The following CTPS2 variants were observed in gnomAD, a reference collection of about 807,000 sequenced individuals.
The protein encoded by CTPS2 is CTP synthase II.
Under a neutral mutation model 46.8 loss-of-function variants are expected in CTPS2, and 19 were observed. That is an observed-to-expected ratio of 0.41 (90% CI 0.28 to 0.60). CTPS2 has a LOEUF of 0.60. CTPS2 is among the 20% of genes least tolerant of loss of function. The pLI, the probability that CTPS2 is intolerant of heterozygous loss-of-function variation, is 0.35. For missense variants in CTPS2, 286 were observed against 447.6 expected (o/e 0.64, Z 3.26); for synonymous variants, 151 against 165.2 (o/e 0.91, Z 0.66).
intron 1 of CTPS2, among the ~76,000 whole-genome samples, chrX:16,708,111 G>A (rs773411699): frequency 9.0e-6 from 1 of 111,623 alleles, no homozygotes; most frequent in African/African-American, 3.3e-5. Flanking sequence ...AAATGCATTC[G>A]GGTAGGAACA....
intron 14 of CTPS2, 91 bp from the exon 15 acceptor site, chrX:16,620,423 T>A (rs758516687): frequency 1.9e-3 from 1,144 of 616,729 alleles, no homozygotes; most frequent in Non-Finnish European, 2.0e-3. Context: ...CCTGGATCAC[T>A]ATCTATCTAT....
At chrX:16,611,038 G>A (rs1428543869) in intron 16 of CTPS2, among the ~76,000 whole-genome samples, 2 of 112,104 alleles carry the variant, frequency 1.8e-5, no homozygotes, top group African/African-American at 6.5e-5. Context: ...AACTACCAGA[G>A]GGAGGAAGGA....
chrX:16,677,560 T>C (rs187022990), intron 10 of CTPS2, among the ~76,000 whole-genome samples: 1 of 111,543 alleles, frequency 9.0e-6, no homozygotes, highest in Non-Finnish European at 1.9e-5. Flanking sequence ...AGCAACTCCA[T>C]CTTGAATAGG....
chrX:16,595,879 A>AT (rs1216326885), intron 17 of CTPS2, among the ~76,000 whole-genome samples: 2 of 109,976 alleles, frequency 1.8e-5, no homozygotes, highest in Admixed American at 9.7e-5. Flanking sequence ...CTTAAAAAAA[A>AT]TTTTTTTTGA....
At chrX:16,618,790 A>T (rs1051265088) in intron 15 of CTPS2, among the ~76,000 whole-genome samples, 3 of 112,088 alleles carry the variant, frequency 2.7e-5, no homozygotes, top group Non-Finnish European at 5.6e-5. Context: ...ATTATTCATT[A>T]TTGAGTTGTA....
At position 16,663,384 on chromosome X, in the gene CTPS2, C is replaced by G. The variant is rs1933026844; in HGVS notation, c.1296+4130G>C. On this transcript the variant is annotated intron_variant, in intron 13 of 18. Coordinates refer to ENST00000359276, the MANE Select transcript of CTPS2 (RefSeq NM_175859.3). ...CTGCTCTCAAACTCCAAGACTCAAG[C>G]AGTCCTCCCGCCTCAGCCTCCAAAA... 2.7e-5 allele frequency among the ~76,000 whole-genome samples: 3 copies of G among 111,501 alleles called. No homozygotes were observed. In the Admixed American group the frequency reaches 2.9e-4, roughly 11 times the overall value.
At chrX:16,591,118 C>T (rs1424412821) in intron 17 of CTPS2, 5 of 254,038 alleles carry the variant, frequency 2.0e-5, no homozygotes, top group Admixed American at 6.4e-5. Flanking sequence ...AAATTAAAAA[C>T]GCATTTCAGT....
At chrX:16,667,973 GCAGGGTCAA>G (rs1302565712) in intron 11 of CTPS2, among the ~76,000 whole-genome samples, 2 of 109,095 alleles carry the variant, frequency 1.8e-5, no homozygotes, top group African/African-American at 6.7e-5. Context: ...TCAGAAAAGT[GCAGGGTCAA>G]CTGGGCGCAA....
At chrX:16,600,477 G>A (rs1412084149) in intron 17 of CTPS2, among the ~76,000 whole-genome samples, 1 of 111,568 alleles carries the variant, frequency 9.0e-6, no homozygotes, top group Non-Finnish European at 1.9e-5. Context: ...TAAAATATAA[G>A]AACAATGGAA....
At chrX:16,590,720 G>A in intron 18 of CTPS2, 32 bp downstream of exon 18, 1 of 806,967 alleles carries the variant, frequency 1.2e-6, no homozygotes, top group East Asian at 3.2e-5. Context: ...GTCCATGAGA[G>A]AAATGAACAA....
chrX:16,608,640 A>G (rs1930110005), intron 17 of CTPS2, among the ~76,000 whole-genome samples: 1 of 111,799 alleles, frequency 8.9e-6, no homozygotes, highest in African/African-American at 3.3e-5. Context: ...GAATAGCAAA[A>G]CACACTAAAC....
chrX:16,595,930 C>T (rs921667982), intron 17 of CTPS2, among the ~76,000 whole-genome samples: 3 of 112,548 alleles, frequency 2.7e-5, no homozygotes, highest in Non-Finnish European at 5.6e-5. Flanking sequence ...AGTGCAGTGG[C>T]ACGATCACAG....
At chrX:16,596,626 C>T (rs1056935297) in intron 17 of CTPS2, among the ~76,000 whole-genome samples, 40 of 111,037 alleles carry the variant, frequency 3.6e-4, no homozygotes, top group Non-Finnish European at 6.6e-4. Context: ...CAAGTCTTTG[C>T]TACTGTGAAT....
chrX:16,685,378 C>T (rs1413684640), intron 8 of CTPS2, among the ~76,000 whole-genome samples: 1 of 111,315 alleles, frequency 9.0e-6, no homozygotes, highest in Non-Finnish European at 1.9e-5. Context: ...TGGGTCACAC[C>T]TACCAGGGAG....
intron 14 of CTPS2, among the ~76,000 whole-genome samples, chrX:16,621,137 GCA>G (rs1373273614): frequency 1.8e-5 from 2 of 110,065 alleles, no homozygotes; most frequent in African/African-American, 6.6e-5. Context: ...CGTAGCTGAG[GCA>G]CTGCAGCTAA....
chrX:16,707,112 T>G (rs1034214512), intron 1 of CTPS2, among the ~76,000 whole-genome samples: 4 of 111,525 alleles, frequency 3.6e-5, no homozygotes, highest in African/African-American at 9.8e-5. Context: ...GATCTTGTGA[T>G]TTTTAAGTTG....
Position 16,664,168 on chromosome X carries a change from A to C in CTPS2, c.1296+3346T>G, listed in dbSNP as rs764546847. On this transcript the variant is annotated intron_variant, in intron 13 of 18. Transcript: ENST00000359276. The stretch of plus-strand genomic sequence containing the variant: ...AAAATTTTTTAACGCACGTACACAC[A>C]CCCCCAGTAAAGAATAATCATCAAA... Among the ~76,000 whole-genome samples, 209 of 111,928 alleles carry C rather than the reference A, an allele frequency of 1.9e-3. 3 individuals are homozygous for C. The highest frequency in any genetic ancestry group is 6.6e-3 in the African/African-American group (203 of 30,866).
At chrX:16,703,530 A>G (rs775947506) in intron 1 of CTPS2, among the ~76,000 whole-genome samples, 3 of 110,319 alleles carry the variant, frequency 2.7e-5, no homozygotes, top group Admixed American at 9.8e-5. Context: ...ACAGGTTCTT[A>G]CTATGATGCC....
intron 13 of CTPS2, among the ~76,000 whole-genome samples, chrX:16,655,898 C>A (rs1258482528): frequency 9.0e-6 from 1 of 110,652 alleles, no homozygotes; most frequent in Non-Finnish European, 1.9e-5. Context: ...CGGGCTCAAG[C>A]AACTCTCCTG....
Sources: gnomAD v4.1 joint callset for allele counts (sites outside exome capture counted in the v4.1 genomes callset) on GRCh38, gnomAD v4.1.1 for gene constraint, MANE v1.5 for transcripts, NCBI Gene and HGNC (gene_info 2026-07-23, HGNC 2026-07-21) for gene names.